The following NR1D2 variants were observed in gnomAD, a reference collection of about 807,000 sequenced individuals.
NR1D2 encodes nuclear receptor subfamily 1 group D member 2.
NR1D2 carries 25 observed loss-of-function variants against 52.2 expected under a neutral mutation model. That is an observed-to-expected ratio of 0.48 (90% CI 0.35 to 0.67). The LOEUF is 0.67. NR1D2 is among the 30% of genes least tolerant of loss of function. The pLI, the probability that NR1D2 is intolerant of heterozygous loss-of-function variation, is 0.01. For synonymous variants in NR1D2, 259 were observed against 230.1 expected (o/e 1.13, Z -1.14); for missense variants, 681 against 707.2 (o/e 0.96, Z 0.42).
intron 7 of NR1D2, among the ~76,000 whole-genome samples, chr3:23,976,084 G>A (rs1706716700): frequency 6.6e-6 from 1 of 152,212 alleles, no homozygotes; most frequent in South Asian, 2.1e-4. Flanking sequence ...TCTTGCTGAT[G>A]AAAACATCTA....
chr3:23,961,389 C>CTTTTTTTTTTTTTTTTTTTTTT (rs869108010), intron 4 of NR1D2, among the ~76,000 whole-genome samples: 2 of 76,012 alleles, frequency 2.6e-5, no homozygotes, highest in African/African-American at 5.4e-5. Flanking sequence ...CTTTTTCTTT[C>CTTTTTTTTTTTTTTTTTTTTTT]TTTTTTTTTT....
chr3:23,973,925 A>G (rs539865232), intron 7 of NR1D2, among the ~76,000 whole-genome samples: 7 of 152,114 alleles, frequency 4.6e-5, no homozygotes, highest in African/African-American at 1.7e-4. Context: ...ATCATCATCA[A>G]TATCACTGTC....
intron 1 of NR1D2, chr3:23,945,986 C>T (rs1335588050): frequency 1.7e-5 from 9 of 538,890 alleles, no homozygotes; most frequent in Non-Finnish European, 2.1e-5. Context: ...CGCTCGGCTC[C>T]CTGACCCACA....
rs771232064 is a variant in NR1D2, at chr3:23,967,793, ATTTCT to A, written c.1333-16_1333-12del. The A allele has an allele frequency of 1.3e-6, 2 of 1,595,374 alleles. No individual in the cohort carries two copies. Among genetic ancestry groups the A allele is most frequent in the South Asian group, 1.1e-5 (1 of 90,184 alleles). On this transcript the variant is annotated splice_polypyrimidine_tract_variant and intron_variant, in intron 6 of 7. Coordinates refer to ENST00000312521, the MANE Select transcript of NR1D2 (RefSeq NM_005126.5). ...ATTGCTGTTAGACTTCTCCAAATAC[ATTTCT>A]TTTTCTTTTTCCAGGTTTTAATGGT... is the stretch of plus-strand genomic sequence containing the variant.
rs377176093 is a variant in NR1D2 at position 23,956,430 on chromosome 3, C to G, written c.372+305C>G. 3.3e-5 allele frequency among the ~76,000 whole-genome samples: 5 copies of G among 152,214 alleles called. No homozygotes were observed. In the East Asian group the frequency reaches 5.8e-4, roughly 18 times the overall value. ...ATTCATTAATGTGTCAAGCACAGTTCTAGGTGGTAGTGAAATAACAAGGAA... is the reference window on the plus strand; with the variant it reads ...ATTCATTAATGTGTCAAGCACAGTTGTAGGTGGTAGTGAAATAACAAGGAA... On this transcript the variant is annotated intron_variant, in intron 3 of 7. Coordinates refer to ENST00000312521, the MANE Select transcript of NR1D2 (RefSeq NM_005126.5).
chr3:23,964,142 G>C (rs1355063967), intron 5 of NR1D2, among the ~76,000 whole-genome samples: 3 of 150,310 alleles, frequency 2.0e-5, no homozygotes, highest in African/African-American at 4.9e-5. Context: ...GCAGTGGTAT[G>C]ATCTCGGCTC....
At chr3:23,966,528 T>A (rs1706455194) in intron 6 of NR1D2, among the ~76,000 whole-genome samples, 1 of 152,266 alleles carries the variant, frequency 6.6e-6, no homozygotes, top group Non-Finnish European at 1.5e-5. Context: ...GGCCATGTGT[T>A]ATACTTGGCA....
intron 1 of NR1D2, among the ~76,000 whole-genome samples, chr3:23,949,862 G>A (rs1392217288): frequency 6.6e-6 from 1 of 152,230 alleles, no homozygotes; most frequent in Non-Finnish European, 1.5e-5. Flanking sequence ...ATGGACAAGT[G>A]TAGAAAATGG....
intron 1 of NR1D2, among the ~76,000 whole-genome samples, chr3:23,952,587 G>A (rs62253382): frequency 0.17 from 25,399 of 151,796 alleles, 2,365 homozygotes; most frequent in Non-Finnish European, 0.21. Context: ...TTAACCAGGC[G>A]TGGTGGCGGG....
chr3:23,964,923 C>T (rs1706397797), intron 5 of NR1D2, 54 bp from the exon 6 acceptor site: 2 of 1,218,214 alleles, frequency 1.6e-6, no homozygotes, highest in East Asian at 2.4e-5. Flanking sequence ...CTGCTTTTGA[C>T]ATTTCTTTAC....
intron 1 of NR1D2, among the ~76,000 whole-genome samples, chr3:23,953,994 C>T (rs1706016047): frequency 6.6e-6 from 1 of 152,046 alleles, no homozygotes; most frequent in African/African-American, 2.4e-5. Context: ...CAGTGAAATC[C>T]TTCTCACTTA....
In NR1D2 at chr3:23,959,777, G is replaced by A; in HGVS notation, c.479G>A (p.Arg160His). 1 of 1,613,434 alleles carries A rather than the reference G, an allele frequency of 6.2e-7. No individual in the cohort carries two copies. Among genetic ancestry groups the A allele is most frequent in the Non-Finnish European group, 8.5e-7 (1 of 1,179,784 alleles). The change falls in exon 4 of 8, where the codon CGC (arginine) becomes CAC (histidine). Residue 160 changes from arginine (R) to histidine (H), a missense_variant. Arg to His is a conservative substitution (Grantham distance 29). Coordinates refer to ENST00000312521, the MANE Select transcript of NR1D2 (RefSeq NM_005126.5). Reference protein sequence around the residue: ...RMNRNRCQQCRFKKCLSVGMS... With the variant: ...RMNRNRCQQCHFKKCLSVGMS... ...AATAGGAACAGATGTCAGCAATGTC[G>A]CTTCAAAAAGTGTCTGTCTGTTGGA... is the stretch of plus-strand genomic sequence containing the variant.
rs565911968 is a variant in NR1D2 at position 23,952,690 on chromosome 3, C to T, written c.17-1847C>T. ...GCAGTGAGCTGAGGTTGTGCCACTG[C>T]ACTCCAGCCTGGACAACAGAGTGAG... On this transcript the variant is annotated intron_variant, in intron 1 of 7. Coordinates refer to ENST00000312521, the MANE Select transcript of NR1D2 (RefSeq NM_005126.5). 2.0e-5 allele frequency among the ~76,000 whole-genome samples: 3 copies of T among 150,516 alleles called. No homozygotes were observed. The East Asian group carries it at 5.8e-4, about 29-fold the overall frequency.
At chr3:23,955,918 A>G in intron 2 of NR1D2, 119 bp from the exon 3 acceptor site, 1 of 637,612 alleles carries the variant, frequency 1.6e-6, no homozygotes, top group South Asian at 2.2e-5. Context: ...TACATTATGA[A>G]AGTAGATGTG....
At chr3:23,973,664 T>A (rs1362948963) in intron 7 of NR1D2, among the ~76,000 whole-genome samples, 1 of 152,188 alleles carries the variant, frequency 6.6e-6, no homozygotes. Flanking sequence ...TATTAAAATT[T>A]TTTTTTCTTC....
rs748177713 is a variant in NR1D2 at position 23,962,171 on chromosome 3, A to G, written c.712A>G (p.Ile238Val). The G allele has an allele frequency of 6.2e-7, 1 of 1,614,200 alleles. No individual in the cohort carries two copies. Among genetic ancestry groups the G allele is most frequent in the South Asian group, 1.1e-5 (1 of 91,078 alleles). The change falls in exon 5 of 8, where the codon ATC (isoleucine) becomes GTC (valine). Residue 238 changes from isoleucine (I) to valine (V), a missense_variant. By Grantham distance (29) the Ile-to-Val change is conservative. Around this residue, in one of 3 missense-constraint regions of NR1D2, gnomAD observed 475 missense variants for 454.5 expected, o/e 1.05. Transcript: ENST00000312521. ...CAAGCCCCAACTGGAGCAAGAAAAC[A>G]TCAAAAGCTCTTCTCCTCCATCTTC... ...RPKPQLEQEN[I>V]KSSSPPSSDF...
rs552224565 is a variant in NR1D2, at chr3:23,960,850, G to A, written c.517+1035G>A. Among the ~76,000 whole-genome samples the A allele has an allele frequency of 3.0e-4, 46 of 152,312 alleles. No individual in the cohort carries two copies. In the South Asian group the frequency reaches 4.1e-3, roughly 14 times the overall value. On this transcript the variant is annotated intron_variant, in intron 4 of 7. Transcript: ENST00000312521. The stretch of plus-strand genomic sequence containing the variant: ...TTTGTTTTTGGTAGCAATAATGTTA[G>A]AGGCTACAATTAGATTAACGAGGCT...
At chr3:23,961,941 T>C (rs775867262) in intron 4 of NR1D2, 36 bp from the exon 5 acceptor site, 4 of 1,538,366 alleles carry the variant, frequency 2.6e-6, no homozygotes, top group Non-Finnish European at 3.5e-6. Context: ...AGGTCTTATT[T>C]AGAATATAGA....
At chr3:23,950,174 A>C (rs575275560) in intron 1 of NR1D2, among the ~76,000 whole-genome samples, 1 of 152,218 alleles carries the variant, frequency 6.6e-6, no homozygotes, top group Non-Finnish European at 1.5e-5. Flanking sequence ...TATGAATGCC[A>C]TTTCATTTCA....
Sources: gnomAD v4.1 joint callset for allele counts (sites outside exome capture counted in the v4.1 genomes callset) on GRCh38, gnomAD v4.1.1 for gene constraint, gnomAD v4.1.1 regional missense constraint, MANE v1.5 for transcripts, NCBI Gene and HGNC (gene_info 2026-07-23, HGNC 2026-07-21) for gene names.